The following PIP5K1C variants were observed in gnomAD, a reference collection of about 807,000 sequenced individuals.
PIP5K1C encodes phosphatidylinositol 4-phosphate 5-kinase type-1 gamma.
A neutral mutation model predicts 80.1 loss-of-function variants in PIP5K1C; 45 were observed. That is an observed-to-expected ratio of 0.56 (90% CI 0.44 to 0.72). The LOEUF is 0.72. Among genes scored for constraint, PIP5K1C ranks in the 30% least tolerant of loss-of-function variants. The pLI is 0.00. For synonymous variants in PIP5K1C, 498 were observed against 420.1 expected, an observed-to-expected ratio of 1.19 and a Z score of -2.27; for missense variants, 753 against 954.6, an observed-to-expected ratio of 0.79 and a Z score of 2.78.
In PIP5K1C at chr19:3,688,959, G is replaced by C. The variant is rs146862903; in HGVS notation, c.94+11338C>G. 8.6e-6 allele frequency among the ~76,000 whole-genome samples: 1 copy of C among 116,266 alleles called. No homozygotes were observed. Among genetic ancestry groups the C allele is most frequent in the African/African-American group, 3.5e-5 (1 of 28,232 alleles). The allele number at this position is 116,266 out of a possible 152,430, so 76.3% of individuals were successfully genotyped here. A position where few individuals can be genotyped will look rare whatever the true frequency, so the allele number is the denominator to read the frequency against. On this transcript the variant is annotated intron_variant, in intron 1 of 17. Coordinates refer to ENST00000335312, the MANE Select transcript of PIP5K1C (RefSeq NM_012398.3). This position sits in a 1 kb window ranked among gnomAD's most constrained non-coding sequence, Gnocchi z 5.3. The stretch of plus-strand genomic sequence containing the variant: ...AGTGCCCGGGATGGGGCTGGGGGGT[G>C]GGGGGGGCTTGGCGCACGCGGCCTA...
rs573982618 is a variant in PIP5K1C, at chr19:3,650,235, C to T, written c.1128-1527G>A. Among the ~76,000 whole-genome samples, 5 of 152,376 alleles carry T rather than the reference C, an allele frequency of 3.3e-5. No homozygotes were observed. The East Asian group carries it at 9.7e-4, about 29-fold the overall frequency. ...GGCCAGGCCAGGTGGAACTTGGCTCCACACCTTCGTGGCTGCACTGGGGAA... is the reference window on the plus strand; with the variant it reads ...GGCCAGGCCAGGTGGAACTTGGCTCTACACCTTCGTGGCTGCACTGGGGAA... On this transcript the variant is annotated intron_variant, in intron 8 of 17. Coordinates refer to ENST00000335312, the MANE Select transcript of PIP5K1C (RefSeq NM_012398.3).
At position 3,679,895 on chromosome 19, in the gene PIP5K1C, T is replaced by C. The variant is rs532029899; in HGVS notation, c.95-12542A>G. On this transcript the variant is annotated intron_variant, in intron 1 of 17. Transcript: ENST00000335312. ...TGGAGCCTAGAACGTGCCCGGCATG[T>C]TGCAGACGCTCAAGAAACTTTCTGC... Among the ~76,000 whole-genome samples the C allele has an allele frequency of 5.3e-5, 8 of 152,352 alleles. No homozygotes were observed. The South Asian group carries it at 1.7e-3, about 32-fold the overall frequency.
chr19:3,694,405 C>T (rs920954930), intron 1 of PIP5K1C, among the ~76,000 whole-genome samples: 1 of 152,134 alleles, frequency 6.6e-6, no homozygotes, highest in African/African-American at 2.4e-5. Flanking sequence ...GCCACAGTGC[C>T]TGGGCTCCCA....
chr19:3,652,078 C>G (rs774461071), intron 7 of PIP5K1C, 47 bp from the exon 8 acceptor site: 5 of 1,582,074 alleles, frequency 3.2e-6, no homozygotes, highest in East Asian at 2.2e-5. Flanking sequence ...CCGTCTCTAT[C>G]CCCCACAACG....
chr19:3,633,531 GGC>G lies in PIP5K1C; in HGVS notation c.1921-13_1921-12del, dbSNP rs1292027950. ...CCTCTCATCGGTGGGCTGGCAGGTGGGCGCGCGTGCAGGAGGGCGCGGAAGAG... is the reference window on the plus strand; with the variant it reads ...CCTCTCATCGGTGGGCTGGCAGGTGGGCGCGTGCAGGAGGGCGCGGAAGAG... On this transcript the variant is annotated splice_polypyrimidine_tract_variant and intron_variant, in intron 16 of 17. Coordinates refer to ENST00000335312, the MANE Select transcript of PIP5K1C (RefSeq NM_012398.3). The G allele has an allele frequency of 1.3e-6, 2 of 1,489,410 alleles. No homozygotes were observed. Among genetic ancestry groups the G allele is most frequent in the East Asian group, 4.7e-5 (2 of 42,298 alleles). The allele number at this position is 1,489,410 out of a possible 1,614,324, so 92.3% of individuals were successfully genotyped here.
intron 1 of PIP5K1C, among the ~76,000 whole-genome samples, chr19:3,676,873 G>A (rs1038594986): frequency 6.6e-6 from 1 of 152,180 alleles, no homozygotes; most frequent in African/African-American, 2.4e-5. Context: ...GCTGAGGCAG[G>A]AGGACGGCTT....
chr19:3,640,191 T>A (rs2033902434), intron 15 of PIP5K1C, among the ~76,000 whole-genome samples: 1 of 152,144 alleles, frequency 6.6e-6, no homozygotes, highest in African/African-American at 2.4e-5. Context: ...AAGCATGGGA[T>A]TATACACACC....
At position 3,667,362 on chromosome 19, in the gene PIP5K1C, G is replaced by A; in HGVS notation, c.95-9C>T. The A allele has an allele frequency of 6.2e-7, 1 of 1,612,944 alleles. No homozygotes were observed. Among genetic ancestry groups the A allele is most frequent in the Non-Finnish European group, 8.5e-7 (1 of 1,179,876 alleles). ...CTTCTTCTGAGCCAAACCTGCAGAAGAGACAAGCTGGGTATCAGACAGGAA... is the reference window on the plus strand; with the variant it reads ...CTTCTTCTGAGCCAAACCTGCAGAAAAGACAAGCTGGGTATCAGACAGGAA... On this transcript the variant is annotated splice_polypyrimidine_tract_variant and intron_variant, in intron 1 of 17. Coordinates refer to ENST00000335312, the MANE Select transcript of PIP5K1C (RefSeq NM_012398.3).
chr19:3,677,761 AG>A (rs2035410054), intron 1 of PIP5K1C, among the ~76,000 whole-genome samples: 3 of 85,020 alleles, frequency 3.5e-5, no homozygotes, highest in African/African-American at 5.1e-5. Flanking sequence ...GGAGGGATGG[AG>A]GATGGAGGAT....
At chr19:3,646,663 G>C (rs996022833) in intron 10 of PIP5K1C, among the ~76,000 whole-genome samples, 8 of 152,342 alleles carry the variant, frequency 5.3e-5, no homozygotes, top group African/African-American at 1.4e-4. Context: ...GCCTTGGCAA[G>C]GTTTAAGACA....
rs1443613971 is a variant in PIP5K1C at position 3,696,113 on chromosome 19, C to G, written c.94+4184G>C. ...GACTCCCTGCCCGGCCGCCCTGTGA[C>G]CACACTACACTGTGCTCCAGGCAGG... On this transcript the variant is annotated intron_variant, in intron 1 of 17. Transcript: ENST00000335312. The surrounding 1 kb of genome is among the most constrained non-coding windows in gnomAD (Gnocchi z 4.1). 6.6e-6 allele frequency among the ~76,000 whole-genome samples: 1 copy of G among 152,176 alleles called. No homozygotes were observed. Among genetic ancestry groups the G allele is most frequent in the African/African-American group, 2.4e-5 (1 of 41,432 alleles).
chr19:3,651,994 A>G lies in PIP5K1C; in HGVS notation c.959T>C (p.Leu320Pro). ...CTGGTCGATGTTGTGCACGCCCAGC[A>G]GCAGGCTGTAGTCCATGATCTTGAA... ...ESFKIMDYSL[L>P]LGVHNIDQHE... The change falls in exon 8 of 18, where the codon CTG becomes CCG. Residue 320 changes from leucine to proline, a missense_variant. Transcript: ENST00000335312. 1 of 1,613,194 alleles carries G rather than the reference A, an allele frequency of 6.2e-7. No homozygotes were observed. Among genetic ancestry groups the G allele is most frequent in the Non-Finnish European group, 8.5e-7 (1 of 1,179,988 alleles).
intron 3 of PIP5K1C, among the ~76,000 whole-genome samples, chr19:3,663,830 A>G (rs2034918149): frequency 6.6e-6 from 1 of 152,182 alleles, no homozygotes; most frequent in Admixed American, 6.5e-5. Context: ...TTCTCAAAAG[A>G]TGACACCGAG....
At chr19:3,677,773 G>A (rs2035411460) in intron 1 of PIP5K1C, among the ~76,000 whole-genome samples, 1 of 94,712 alleles carries the variant, frequency 1.1e-5, no homozygotes, top group Non-Finnish European at 2.2e-5. Flanking sequence ...GATGGAGGAT[G>A]GAGGGATGGA....
At chr19:3,659,884 C>G (rs1264879521) in intron 5 of PIP5K1C, among the ~76,000 whole-genome samples, 1 of 152,212 alleles carries the variant, frequency 6.6e-6, no homozygotes, top group East Asian at 1.9e-4. Flanking sequence ...CGGGTGAGGG[C>G]AGGATCGGAG....
chr19:3,652,085 A>C, intron 7 of PIP5K1C, 54 bp from the exon 8 acceptor site: 9 of 1,553,524 alleles, frequency 5.8e-6, no homozygotes, highest in Non-Finnish European at 7.1e-6. Flanking sequence ...TATCCCCCAC[A>C]ACGGCTCCCG....
intron 1 of PIP5K1C, among the ~76,000 whole-genome samples, chr19:3,679,882 C>G (rs996848046): frequency 6.6e-6 from 1 of 152,208 alleles, no homozygotes; most frequent in Admixed American, 6.5e-5. Flanking sequence ...GAGCCTAGAA[C>G]GTGCCCGGCA....
intron 1 of PIP5K1C, among the ~76,000 whole-genome samples, chr19:3,698,513 T>C (rs2036195943): frequency 1.3e-5 from 2 of 152,208 alleles, no homozygotes; most frequent in South Asian, 2.1e-4. Context: ...CATAAACGTG[T>C]GGCATTTCTC....
intron 5 of PIP5K1C, among the ~76,000 whole-genome samples, chr19:3,659,752 C>T (rs1444731020): frequency 6.6e-6 from 1 of 152,190 alleles, no homozygotes; most frequent in Non-Finnish European, 1.5e-5. Context: ...GTACCCCTGG[C>T]TGGAGCACAT....
Sources: allele counts gnomAD v4.1 joint callset (sites outside exome capture counted in the v4.1 genomes callset), GRCh38; gene constraint gnomAD v4.1.1; non-coding constraint Gnocchi (gnomAD v3.1); transcripts MANE v1.5; gene names NCBI Gene and HGNC (gene_info 2026-07-23, HGNC 2026-07-21).